KAT6B: variants seen among roughly 807,000 people sequenced by gnomAD.
KAT6B encodes histone acetyltransferase KAT6B.
A neutral mutation model predicts 187.5 loss-of-function variants in KAT6B; 10 were observed. The ratio of observed to expected loss-of-function variants is 0.05; its 90% CI spans 0.03 to 0.09. The LOEUF (loss-of-function observed/expected upper bound fraction) is 0.09. KAT6B is among the 10% of genes least tolerant of loss of function. The pLI, the probability that KAT6B is intolerant of heterozygous loss-of-function variation, is 1.00. For missense variants in KAT6B, 1,952 were observed against 2,558.9 expected (o/e 0.76, Z 5.12); for synonymous variants, 861 against 926.8 (o/e 0.93, Z 1.29).
At chr10:74,852,519 C>A (rs1348638567) in intron 3 of KAT6B, among the ~76,000 whole-genome samples, 1 of 152,142 alleles carries the variant, frequency 6.6e-6, no homozygotes, top group Non-Finnish European at 1.5e-5. Context: ...GCAGGTAGTA[C>A]CAGTTGTTGA....
chr10:74,908,666 T>A (rs546566025), intron 3 of KAT6B, among the ~76,000 whole-genome samples: 1 of 152,340 alleles, frequency 6.6e-6, no homozygotes, highest in Admixed American at 6.5e-5. Flanking sequence ...TTCAATTGTT[T>A]TAGCCTATAA....
At chr10:74,944,456 G>C (rs1233175111) in intron 3 of KAT6B, among the ~76,000 whole-genome samples, 10 of 152,180 alleles carry the variant, frequency 6.6e-5, no homozygotes, top group Admixed American at 6.5e-4. Flanking sequence ...AACAGAAACT[G>C]TACAAAAGAA....
intron 3 of KAT6B, among the ~76,000 whole-genome samples, chr10:74,904,416 A>T (rs924228799): frequency 5.3e-5 from 8 of 152,238 alleles, no homozygotes; most frequent in African/African-American, 1.9e-4. Flanking sequence ...CTGCCCTGCC[A>T]CATGGCCCTC....
intron 13 of KAT6B, among the ~76,000 whole-genome samples, chr10:75,006,868 G>C (rs983687825): frequency 1.3e-5 from 2 of 149,442 alleles, no homozygotes; most frequent in African/African-American, 4.9e-5. Context: ...GGGAGTTCAC[G>C]ACCAGCCTGG....
At chr10:74,976,994 G>T (rs1445964704) in intron 8 of KAT6B, 2 of 303,996 alleles carry the variant, frequency 6.6e-6, no homozygotes, top group African/African-American at 4.4e-5. Flanking sequence ...GTGATAATGG[G>T]AATGCTATAA....
At chr10:75,004,517 A>G (rs1844068726) in intron 13 of KAT6B, among the ~76,000 whole-genome samples, 1 of 152,184 alleles carries the variant, frequency 6.6e-6, no homozygotes, top group African/African-American at 2.4e-5. Flanking sequence ...GGGATGGTCT[A>G]GGTGATGAGG....
At chr10:74,986,048 A>G (rs1842786770) in intron 12 of KAT6B, among the ~76,000 whole-genome samples, 1 of 152,118 alleles carries the variant, frequency 6.6e-6, no homozygotes, top group South Asian at 2.1e-4. Flanking sequence ...CCATCTCAAA[A>G]ACAAAACAAA....
At chr10:74,830,125 A>C (rs1840638997) in intron 1 of KAT6B, among the ~76,000 whole-genome samples, 1 of 151,856 alleles carries the variant, frequency 6.6e-6, no homozygotes. Flanking sequence ...TGGATGAGAG[A>C]AGTGGGGTGA....
At chr10:74,998,377 C>T (rs910360182) in intron 13 of KAT6B, among the ~76,000 whole-genome samples, 1 of 152,008 alleles carries the variant, frequency 6.6e-6, no homozygotes, top group Non-Finnish European at 1.5e-5. Context: ...AAATAGTGGA[C>T]TTCTCTTTTT....
At chr10:74,982,325 C>T in intron 11 of KAT6B, 2 of 252,198 alleles carry the variant, frequency 7.9e-6, no homozygotes, top group Non-Finnish European at 7.8e-6. Context: ...GTACATATCT[C>T]CTCAATACAC....
chr10:74,910,229 C>T (rs187442420), intron 3 of KAT6B, among the ~76,000 whole-genome samples: 5 of 152,082 alleles, frequency 3.3e-5, no homozygotes, highest in Non-Finnish European at 5.9e-5. Flanking sequence ...ACCCAGGAGG[C>T]GGAGGTTGCG....
chr10:74,828,364 C>G (rs888121581), intron 1 of KAT6B, among the ~76,000 whole-genome samples: 2 of 151,798 alleles, frequency 1.3e-5, no homozygotes, highest in Non-Finnish European at 2.9e-5. Context: ...ATATGAGGGC[C>G]CCTCCTATAT....
Position 75,031,728 on chromosome 10 carries a change from CT to C in KAT6B, c.*686del. On this transcript the variant is annotated 3_prime_UTR_variant, in exon 18 of 18. Coordinates refer to ENST00000287239, the MANE Select transcript of KAT6B (RefSeq NM_012330.4). ...AAATGTTTGGTGTAAAGTTGAGACC[CT>C]TTTCCATTTTGGTGACAGATTTCTT... 4.7e-6 allele frequency: 1 copy of C among 211,414 alleles called. No individual in the cohort carries two copies. Among genetic ancestry groups the C allele is most frequent in the East Asian group, 7.2e-5 (1 of 13,952 alleles). The allele number at this position is 211,414 out of a possible 1,614,324, so 13.1% of individuals were successfully genotyped here.
At position 75,022,156 on chromosome 10, in the gene KAT6B, A is replaced by G. The variant is rs1845475623; in HGVS notation, c.3297A>G (p.Glu1099=). The G allele has an allele frequency of 6.2e-7, 1 of 1,612,914 alleles. No individual in the cohort carries two copies. The highest frequency in any genetic ancestry group is 8.5e-7 in the Non-Finnish European group (1 of 1,179,562). Residue 1099 remains glutamate, a synonymous_variant, in exon 16 of 18, where the codon GAA becomes GAG. Coordinates refer to ENST00000287239, the MANE Select transcript of KAT6B (RefSeq NM_012330.4). ...EDEEEEEEEE[E]EEEEENIQSS... ...AAGAGGAGGAAGAAGAGGAAGAAGAAGAAGAAGAAGAAGAAAATATTCAAA... is the reference window on the plus strand; with the variant it reads ...AAGAGGAGGAAGAAGAGGAAGAAGAGGAAGAAGAAGAAGAAAATATTCAAA...
At chr10:74,956,935 C>T (rs370270186) in intron 3 of KAT6B, among the ~76,000 whole-genome samples, 1 of 152,080 alleles carries the variant, frequency 6.6e-6, no homozygotes, top group African/African-American at 2.4e-5. Flanking sequence ...AGGTTAGGTG[C>T]CTTTGTGAAA....
intron 3 of KAT6B, among the ~76,000 whole-genome samples, chr10:74,889,537 G>A (rs1845514745): frequency 7.2e-5 from 11 of 152,164 alleles, no homozygotes; most frequent in Admixed American, 7.2e-4. Flanking sequence ...GTGTAAAGAG[G>A]TTGAAATTCT....
chr10:74,839,368 T>C (rs1841556904), intron 2 of KAT6B, among the ~76,000 whole-genome samples: 1 of 151,574 alleles, frequency 6.6e-6, no homozygotes, highest in Non-Finnish European at 1.5e-5. Flanking sequence ...GTAGCTGGGA[T>C]TACAGGCGCA....
intron 1 of KAT6B, among the ~76,000 whole-genome samples, chr10:74,836,758 A>G (rs982074936): frequency 6.6e-6 from 1 of 152,204 alleles, no homozygotes. Flanking sequence ...CCCTTCCCCT[A>G]AACAGTTCTG....
intron 3 of KAT6B, among the ~76,000 whole-genome samples, chr10:74,896,374 C>A (rs1158272648): frequency 2.0e-5 from 3 of 152,138 alleles, no homozygotes; most frequent in Admixed American, 2.0e-4. Flanking sequence ...TCACTGCAAC[C>A]CCCGCCTCCT....
Sources: allele counts gnomAD v4.1 joint callset (sites outside exome capture counted in the v4.1 genomes callset), GRCh38; gene constraint gnomAD v4.1.1; transcripts MANE v1.5; gene names NCBI Gene and HGNC (gene_info 2026-07-23, HGNC 2026-07-21).